XPR1: variants seen among roughly 807,000 people sequenced by gnomAD.
XPR1 encodes the protein xenotropic and polytropic retrovirus receptor 1, also known as solute carrier family 53 member 1.
In XPR1, 28 loss-of-function variants were observed where a neutral mutation model predicts 87.5. The ratio of observed to expected loss-of-function variants is 0.32; its 90% CI spans 0.24 to 0.44. XPR1 has a LOEUF of 0.44. Ranked by LOEUF, XPR1 falls within the 20% of genes least tolerant of loss-of-function variation. The probability of loss-of-function intolerance (pLI) is 1.00; values close to 1 mark genes in which losing one functional copy is unlikely to be tolerated. For synonymous variants in XPR1, 300 were observed against 306.1 expected, an observed-to-expected ratio of 0.98 and a Z score of 0.21; for missense variants, 559 against 862.3, an observed-to-expected ratio of 0.65 and a Z score of 4.41.
intron 2 of XPR1, among the ~76,000 whole-genome samples, chr1:180,694,966 C>CTGGAGGTT (rs1657114165): frequency 6.6e-6 from 1 of 151,984 alleles, no homozygotes; most frequent in South Asian, 2.1e-4. Flanking sequence ...TTTCAGAAAC[C>CTGGAGGTT]TCCAATCTGT....
chr1:180,763,821 T>C (rs1198489218), intron 2 of XPR1, among the ~76,000 whole-genome samples: 2 of 152,216 alleles, frequency 1.3e-5, no homozygotes, highest in African/African-American at 4.8e-5. Context: ...TGTGTCCTTA[T>C]CCCTAGAGGA....
At chr1:180,769,403 C>T (rs1193191152) in intron 2 of XPR1, among the ~76,000 whole-genome samples, 2 of 148,352 alleles carry the variant, frequency 1.3e-5, no homozygotes, top group Admixed American at 6.7e-5. Flanking sequence ...TAACCATCCC[C>T]ACCACCCCCT....
At chr1:180,666,766 A>G (rs1317077737) in intron 1 of XPR1, among the ~76,000 whole-genome samples, 1 of 152,190 alleles carries the variant, frequency 6.6e-6, no homozygotes, top group Admixed American at 6.5e-5. Context: ...TAAAATTAGC[A>G]TATGCAAATA....
At chr1:180,713,311 A>G (rs12062543) in intron 2 of XPR1, among the ~76,000 whole-genome samples, 1,788 of 152,238 alleles carry the variant, frequency 0.012, 27 homozygotes, top group African/African-American at 0.041. Context: ...CAAAAGTACT[A>G]TATATATAAA....
At chr1:180,767,970 G>A (rs1212479382) in intron 2 of XPR1, among the ~76,000 whole-genome samples, 7 of 151,750 alleles carry the variant, frequency 4.6e-5, no homozygotes, top group African/African-American at 7.3e-5. Context: ...TCAGCCTCCC[G>A]AGTAGCTGGG....
chr1:180,831,548 C>T (rs112937124), intron 9 of XPR1, among the ~76,000 whole-genome samples: 5,082 of 114,734 alleles, frequency 0.044, 384 homozygotes, highest in African/African-American at 0.15. Flanking sequence ...CCTCCCCCTG[C>T]CCCCCACCCC....
At chr1:180,769,455 T>TTC (rs113535211) in intron 2 of XPR1, among the ~76,000 whole-genome samples, 11,378 of 118,456 alleles carry the variant, frequency 0.096, 603 homozygotes, top group Admixed American at 0.14. Context: ...TAACCATCCT[T>TTC]TCTCTCTCTC....
At chr1:180,757,910 C>T (rs1322942814) in intron 2 of XPR1, among the ~76,000 whole-genome samples, 4 of 147,764 alleles carry the variant, frequency 2.7e-5, no homozygotes, top group African/African-American at 1.0e-4. Context: ...TGTACATACC[C>T]CTATGGGTTA....
At chr1:180,661,906 G>A (rs904710872) in intron 1 of XPR1, among the ~76,000 whole-genome samples, 6 of 151,834 alleles carry the variant, frequency 4.0e-5, no homozygotes, top group East Asian at 1.9e-4. Flanking sequence ...AAAAACCCTC[G>A]TTATTTTAAA....
At chr1:180,772,330 G>A (rs899620864) in intron 2 of XPR1, among the ~76,000 whole-genome samples, 13 of 152,012 alleles carry the variant, frequency 8.6e-5, no homozygotes, top group Non-Finnish European at 1.6e-4. Context: ...ACCCAGCCCT[G>A]GAAATCAACT....
At chr1:180,760,216 C>T (rs902253663) in intron 2 of XPR1, among the ~76,000 whole-genome samples, 3 of 152,158 alleles carry the variant, frequency 2.0e-5, no homozygotes, top group East Asian at 1.9e-4. Flanking sequence ...GACAGGGATA[C>T]CCTCTCTTAC....
At chr1:180,668,793 T>C (rs1190086547) in intron 1 of XPR1, among the ~76,000 whole-genome samples, 2 of 152,140 alleles carry the variant, frequency 1.3e-5, no homozygotes, top group Non-Finnish European at 2.9e-5. Context: ...GATTATTTCT[T>C]TTAAAGTCTA....
At chr1:180,824,965 A>C (rs957087185) in intron 8 of XPR1, 22 bp downstream of exon 8, 1 of 1,607,596 alleles carries the variant, frequency 6.2e-7, no homozygotes, top group Non-Finnish European at 8.5e-7. Flanking sequence ...AAGACATAAC[A>C]CCTCATGAAT....
chr1:180,711,016 G>T (rs1379743735), intron 2 of XPR1, among the ~76,000 whole-genome samples: 4 of 151,784 alleles, frequency 2.6e-5, no homozygotes, highest in Non-Finnish European at 4.4e-5. Flanking sequence ...TTCTCAGACG[G>T]GTGGCTGCCG....
rs1359306998 is a variant in XPR1, at chr1:180,886,091, C to T, written c.*2025C>T. 6.6e-6 allele frequency: 1 copy of T among 151,994 alleles called. No individual in the cohort carries two copies. The highest frequency in any genetic ancestry group is 1.5e-5 in the Non-Finnish European group (1 of 67,996). 9.4% of individuals were successfully genotyped at this position (151,994 alleles called of 1,614,324 possible). On this transcript the variant is annotated 3_prime_UTR_variant, in exon 15 of 15. Transcript: ENST00000367590. The stretch of plus-strand genomic sequence containing the variant: ...TGGAAGAGGAAATGTTTAATTAATG[C>T]TTTTTAGTTTAAATAAATTGAATCA...
chr1:180,873,393 A>G (rs906509852), intron 12 of XPR1, among the ~76,000 whole-genome samples: 1 of 152,230 alleles, frequency 6.6e-6, no homozygotes, highest in Non-Finnish European at 1.5e-5. Flanking sequence ...TAAAAGTACA[A>G]ATAACACAGT....
intron 2 of XPR1, among the ~76,000 whole-genome samples, chr1:180,688,119 C>T (rs903874065): frequency 2.0e-5 from 3 of 147,630 alleles, no homozygotes; most frequent in East Asian, 2.0e-4. Context: ...GGCGTGATCT[C>T]GGCTCGCTGC....
intron 2 of XPR1, 79 bp from the exon 3 acceptor site, chr1:180,787,674 T>G: frequency 1.0e-6 from 1 of 979,296 alleles, no homozygotes; most frequent in Non-Finnish European, 1.5e-6. Flanking sequence ...ACTCAAAAAG[T>G]AATCTTAGTT....
At chr1:180,778,082 G>A (rs186695835) in intron 2 of XPR1, among the ~76,000 whole-genome samples, 1 of 152,200 alleles carries the variant, frequency 6.6e-6, no homozygotes, top group African/African-American at 2.4e-5. Flanking sequence ...CCAGGCTAAA[G>A]CCATCCTCCC....
Sources: gnomAD v4.1 joint callset for allele counts (sites outside exome capture counted in the v4.1 genomes callset) on GRCh38, gnomAD v4.1.1 for gene constraint, MANE v1.5 for transcripts, NCBI Gene and HGNC (gene_info 2026-07-23, HGNC 2026-07-21) for gene names.